DUSP23: variants seen among roughly 807,000 people sequenced by gnomAD.
The protein encoded by DUSP23 is dual specificity phosphatase 23.
In DUSP23, 10 loss-of-function variants were observed where a neutral mutation model predicts 13.3. That is an observed-to-expected ratio of 0.75 (90% confidence interval 0.46 to 1.27). DUSP23 has a LOEUF of 1.27. DUSP23 is among the 50% of genes most tolerant of loss of function. The pLI is 0.00. For synonymous variants in DUSP23, 107 were observed against 95.3 expected, an observed-to-expected ratio of 1.12 and a Z score of -0.72; for missense variants, 228 against 204.8, an observed-to-expected ratio of 1.11 and a Z score of -0.69.
chr1:159,780,993 G>A lies in DUSP23; in HGVS notation c.-108G>A. On this transcript the variant is annotated 5_prime_UTR_variant, in exon 1 of 2. Transcript: ENST00000368107. ...CGTGGCCCGGGAGGCGCCGAGGCCA[G>A]GTAGGTGGTGAGTTACTTGGCTCGG... 1 of 1,368,528 alleles carries A rather than the reference G, an allele frequency of 7.3e-7. No individual in the cohort carries two copies. Among genetic ancestry groups the A allele is most frequent in the African/African-American group, 1.5e-5 (1 of 66,080 alleles). 84.8% of individuals were successfully genotyped at this position (1,368,528 alleles called of 1,614,324 possible). A position where few individuals can be genotyped will look rare whatever the true frequency, so the allele number is the denominator to read the frequency against.
At chr1:159,782,108 T>C in intron 1 of DUSP23, 45 bp from the exon 2 acceptor site, 1 of 1,600,874 alleles carries the variant, frequency 6.2e-7, no homozygotes, top group Non-Finnish European at 8.5e-7. Flanking sequence ...GAAACAGTTG[T>C]GGGTGGGGGA....
At chr1:159,782,056 G>C (rs1661889264) in intron 1 of DUSP23, 97 bp from the exon 2 acceptor site, 2 of 1,419,976 alleles carry the variant, frequency 1.4e-6, no homozygotes, top group Admixed American at 1.9e-5. Flanking sequence ...CCTGGACCTG[G>C]CACAGAAGAA....
chr1:159,781,261 C>G lies in DUSP23; in HGVS notation c.161C>G (p.Pro54Arg), dbSNP rs1661859364. ...ERGPPHSDSCPGLTLHRLRIP... is the reference protein window; with the variant it reads ...ERGPPHSDSCRGLTLHRLRIP... ...GGGCCCCCTCACAGCGACAGCTGCC[C>G]CGGCCTCACCCTGCACCGCCTGCGC... The change falls in exon 1 of 2, where the codon CCC (proline) becomes CGC (arginine). Residue 54 changes from proline to arginine, a missense_variant. By Grantham distance (103) the Pro-to-Arg change is moderately radical. Transcript: ENST00000368107. 1 of 1,548,668 alleles carries G rather than the reference C, an allele frequency of 6.5e-7. No individual in the cohort carries two copies. The highest frequency in any genetic ancestry group is 1.4e-5 in the African/African-American group (1 of 72,930).
rs1476867707 is a variant in DUSP23, at chr1:159,781,303, C to G, written c.203C>G (p.Pro68Arg). ...CGCCTGCGCATCCCCGACTTCTGCC[C>G]GCCGGCCCCCGACCAGATCGACCGC... ...LHRLRIPDFC[P>R]PAPDQIDRFV... Residue 68 changes from proline (P) to arginine (R), a missense_variant, in exon 1 of 2, where the codon CCG becomes CGG. Physicochemically the swap from Pro to Arg is moderately radical, Grantham distance 103. Coordinates refer to ENST00000368107, the MANE Select transcript of DUSP23 (RefSeq NM_001319658.2). The G allele has an allele frequency of 1.9e-6, 3 of 1,546,658 alleles. No individual in the cohort carries two copies. Among genetic ancestry groups the G allele is most frequent in the Non-Finnish European group, 2.6e-6 (3 of 1,145,416 alleles).
In DUSP23 at chr1:159,781,049, G is replaced by T; in HGVS notation, c.-52G>T. The T allele has an allele frequency of 1.3e-6, 2 of 1,498,440 alleles. No individual in the cohort carries two copies. Among genetic ancestry groups the T allele is most frequent in the East Asian group, 2.6e-5 (1 of 39,152 alleles). 92.8% of individuals were successfully genotyped at this position (1,498,440 alleles called of 1,614,324 possible). A position where few individuals can be genotyped will look rare whatever the true frequency, so the allele number is the denominator to read the frequency against. On this transcript the variant is annotated 5_prime_UTR_variant, in exon 1 of 2. Transcript: ENST00000368107. ...GCGAGGGGACGCGTGGGCGGAGCGG[G>T]GCTGGCCAGCCTCGGCCCCCATGAC...
In DUSP23 at chr1:159,782,215, G is replaced by A; in HGVS notation, c.330G>A (p.Leu110=). The change falls in exon 2 of 2, where the codon CTG becomes CTA. Residue 110 remains leucine, a synonymous_variant. Coordinates refer to ENST00000368107, the MANE Select transcript of DUSP23 (RefSeq NM_001319658.2). ...GRTGTMLACY[L]VKERGLAAGD... The stretch of plus-strand genomic sequence containing the variant: ...CTGGCACCATGCTGGCCTGTTACCT[G>A]GTGAAGGAGCGGGGCTTGGCTGCAG... The A allele has an allele frequency of 1.9e-6, 3 of 1,614,182 alleles. No homozygotes were observed. The highest frequency in any genetic ancestry group is 3.3e-5 in the Admixed American group (2 of 60,024).
chr1:159,782,301 A>C lies in DUSP23; in HGVS notation c.416A>C (p.Glu139Ala), dbSNP rs867323325. 11 of 1,613,720 alleles carry C rather than the reference A, an allele frequency of 6.8e-6. No individual in the cohort carries two copies. The African/African-American group carries it at 1.2e-4, about 18-fold the overall frequency. Residue 139 changes from glutamate (E) to alanine (A), a missense_variant, in exon 2 of 2, where the codon GAG becomes GCG. Physicochemically the swap from Glu to Ala is moderately radical, Grantham distance 107. Transcript: ENST00000368107. ...RPGSIETYEQ[E>A]KAVFQFYQRT... The stretch of plus-strand genomic sequence containing the variant: ...GGCTCCATCGAGACCTATGAGCAGG[A>C]GAAAGCAGTCTTCCAGTTCTACCAG...
chr1:159,781,276 A>T lies in DUSP23; in HGVS notation c.176A>T (p.His59Leu), dbSNP rs1007922430. ...GACAGCTGCCCCGGCCTCACCCTGC[A>T]CCGCCTGCGCATCCCCGACTTCTGC... ...HSDSCPGLTL[H>L]RLRIPDFCPP... Residue 59 changes from histidine (H) to leucine (L), a missense_variant, in exon 1 of 2, where the codon CAC (histidine) becomes CTC (leucine). Transcript: ENST00000368107. 25 of 1,547,526 alleles carry T rather than the reference A, an allele frequency of 1.6e-5. No individual in the cohort carries two copies. The African/African-American group carries it at 3.0e-4, about 19-fold the overall frequency.
chr1:159,782,185 C>G lies in DUSP23; in HGVS notation c.300C>G (p.Gly100=). 6.2e-7 allele frequency: 1 copy of G among 1,614,148 alleles called. No individual in the cohort carries two copies. The highest frequency in any genetic ancestry group is 8.5e-7 in the Non-Finnish European group (1 of 1,180,034). ...GAGTGCACTGTGCTCTGGGCTTTGG[C>G]CGCACTGGCACCATGCTGGCCTGTT... is the stretch of plus-strand genomic sequence containing the variant. ...AVGVHCALGF[G]RTGTMLACYL... is the part of the protein sequence containing the mutation. Residue 100 remains glycine, a synonymous_variant, in exon 2 of 2, where the codon GGC becomes GGG. Transcript: ENST00000368107.
chr1:159,782,039 G>A (rs972214060), intron 1 of DUSP23, 114 bp from the exon 2 acceptor site: 25 of 1,265,814 alleles, frequency 2.0e-5, no homozygotes, highest in Admixed American at 1.3e-4. Flanking sequence ...TGACTTTGCT[G>A]CAGAGCCCTG....
chr1:159,782,469 C>A lies in DUSP23; in HGVS notation c.*131C>A. On this transcript the variant is annotated 3_prime_UTR_variant, in exon 2 of 2. Transcript: ENST00000368107. ...ATTGGCTGAAGACACTGAAGTAGCC[C>A]ACCCCTGCAGGCAGGTCCTGATTGA... 2 of 1,101,270 alleles carry A rather than the reference C, an allele frequency of 1.8e-6. No individual in the cohort carries two copies. Among genetic ancestry groups the A allele is most frequent in the Non-Finnish European group, 2.6e-6 (2 of 776,316 alleles). 68.2% of individuals were successfully genotyped at this position (1,101,270 alleles called of 1,614,324 possible).
intron 1 of DUSP23, among the ~76,000 whole-genome samples, chr1:159,781,929 G>C (rs1661883478): frequency 6.6e-6 from 1 of 152,136 alleles, no homozygotes; most frequent in African/African-American, 2.4e-5. Flanking sequence ...ACTGTCTTCT[G>C]TATTGAACAC....
In DUSP23 at chr1:159,781,131, G is replaced by C. The variant is rs1203886196; in HGVS notation, c.31G>C (p.Val11Leu). 1 of 1,548,208 alleles carries C rather than the reference G, an allele frequency of 6.5e-7. No homozygotes were observed. Among genetic ancestry groups the C allele is most frequent in the Non-Finnish European group, 8.7e-7 (1 of 1,146,582 alleles). Residue 11 changes from valine to leucine, a missense_variant, in exon 1 of 2, where the codon GTG becomes CTG. By Grantham distance (32) the Val-to-Leu change is conservative. Transcript: ENST00000368107. MGVQPPNFSWVLPGRLAGLAL... is the reference protein window; with the variant it reads MGVQPPNFSWLLPGRLAGLAL... ...CGTGCAGCCCCCCAACTTCTCCTGG[G>C]TGCTTCCGGGCCGGCTGGCGGGACT...
chr1:159,782,414 T>A lies in DUSP23; in HGVS notation c.*76T>A. ...CGATGGGGCCAGAGATGAAGGGAAG[T>A]GGACTAAAGTATTAAACCCTCTAGC... On this transcript the variant is annotated 3_prime_UTR_variant, in exon 2 of 2. Transcript: ENST00000368107. The A allele has an allele frequency of 6.6e-7, 1 of 1,520,512 alleles. No homozygotes were observed. The highest frequency in any genetic ancestry group is 8.9e-7 in the Non-Finnish European group (1 of 1,117,804). 94.2% of individuals were successfully genotyped at this position (1,520,512 alleles called of 1,614,324 possible).
Position 159,782,135 on chromosome 1 carries a change from C to T in DUSP23, c.268-18C>T, listed in dbSNP as rs768711565. On this transcript the variant is annotated intron_variant, in intron 1 of 1. Transcript: ENST00000368107. ...GGTGGGGGAGTTGAGTGGCACCCATCGAGCCCCCTCTTCGTAGGCTGTGGG... is the reference window on the plus strand; with the variant it reads ...GGTGGGGGAGTTGAGTGGCACCCATTGAGCCCCCTCTTCGTAGGCTGTGGG... 2 of 1,611,794 alleles carry T rather than the reference C, an allele frequency of 1.2e-6. No individual in the cohort carries two copies. Among genetic ancestry groups the T allele is most frequent in the Non-Finnish European group, 1.7e-6 (2 of 1,178,618 alleles).
Position 159,780,983 on chromosome 1 carries a change from G to A in DUSP23, c.-118G>A, listed in dbSNP as rs1282176059. 8 of 1,318,948 alleles carry A rather than the reference G, an allele frequency of 6.1e-6. No individual in the cohort carries two copies. Among genetic ancestry groups the A allele is most frequent in the Non-Finnish European group, 5.0e-6 (5 of 1,004,082 alleles). 81.7% of individuals were successfully genotyped at this position (1,318,948 alleles called of 1,614,324 possible). Reference sequence around the variant, plus strand: ...CTGCAGACCACGTGGCCCGGGAGGCGCCGAGGCCAGGTAGGTGGTGAGTTA... The same window carrying A: ...CTGCAGACCACGTGGCCCGGGAGGCACCGAGGCCAGGTAGGTGGTGAGTTA... On this transcript the variant is annotated 5_prime_UTR_variant, in exon 1 of 2. Transcript: ENST00000368107.
In DUSP23 at chr1:159,781,281, C is replaced by T. The variant is rs761999598; in HGVS notation, c.181C>T (p.Leu61=). 62 of 1,547,454 alleles carry T rather than the reference C, an allele frequency of 4.0e-5. No individual in the cohort carries two copies. The highest frequency in any genetic ancestry group is 5.2e-5 in the Non-Finnish European group (60 of 1,145,846). Residue 61 remains leucine (L), a synonymous_variant, in exon 1 of 2, where the codon CTG becomes TTG. Transcript: ENST00000368107. ...CTGCCCCGGCCTCACCCTGCACCGC[C>T]TGCGCATCCCCGACTTCTGCCCGCC... ...DSCPGLTLHR[L]RIPDFCPPAP... is the part of the protein sequence containing the mutation.
At chr1:159,781,882 C>A (rs1374744649) in intron 1 of DUSP23, among the ~76,000 whole-genome samples, 1 of 152,208 alleles carries the variant, frequency 6.6e-6, no homozygotes, top group Non-Finnish European at 1.5e-5. Flanking sequence ...TTTGGACTAG[C>A]CACATTTCGA....
chr1:159,781,469 C>G, intron 1 of DUSP23, 102 bp downstream of exon 1: 2 of 1,372,932 alleles, frequency 1.5e-6, no homozygotes, highest in Non-Finnish European at 1.9e-6. Flanking sequence ...TAACTGGGCT[C>G]GGGGAGGCAG....
Sources: allele counts gnomAD v4.1 joint callset (sites outside exome capture counted in the v4.1 genomes callset), GRCh38; gene constraint gnomAD v4.1.1; transcripts MANE v1.5; gene names NCBI Gene and HGNC (gene_info 2026-07-23, HGNC 2026-07-21).